MINDY3: variants seen among roughly 807,000 people sequenced by gnomAD.
The protein encoded by MINDY3 is MINDY lysine 48 deubiquitinase 3.
Under a neutral mutation model 69.2 loss-of-function variants are expected in MINDY3, and 38 were observed. The ratio of observed to expected loss-of-function variants is 0.55; its 90% CI spans 0.42 to 0.72. The LOEUF (loss-of-function observed/expected upper bound fraction) is 0.72. Ranked by LOEUF, MINDY3 falls within the 30% of genes least tolerant of loss-of-function variation. MINDY3 has a pLI of 0.00. For synonymous variants in MINDY3, 192 were observed against 180.1 expected (o/e 1.07, Z -0.53); for missense variants, 522 against 519.0 (o/e 1.01, Z -0.06).
chr10:15,793,503 A>T (rs952617871), intron 11 of MINDY3, among the ~76,000 whole-genome samples: 2 of 152,180 alleles, frequency 1.3e-5, no homozygotes, highest in African/African-American at 4.8e-5. Context: ...AAATTGCTCA[A>T]CTAGAAGCGA....
intron 2 of MINDY3, among the ~76,000 whole-genome samples, chr10:15,844,060 C>G (rs566475034): frequency 6.6e-6 from 1 of 152,052 alleles, no homozygotes. Context: ...TTTTATCAGG[C>G]AAACTTAGGT....
chr10:15,782,259 A>T (rs538534854), intron 13 of MINDY3, 33 bp from the exon 14 acceptor site: 2 of 1,393,998 alleles, frequency 1.4e-6, no homozygotes, highest in African/African-American at 3.0e-5. Flanking sequence ...AACACTTTAA[A>T]TTATATTTAT....
At chr10:15,838,819 T>A (rs1387774781) in intron 4 of MINDY3, among the ~76,000 whole-genome samples, 1 of 151,798 alleles carries the variant, frequency 6.6e-6, no homozygotes, top group African/African-American at 2.4e-5. Flanking sequence ...TTATTTAGAT[T>A]ATGTTTATTA....
rs1031424322 is a variant in MINDY3 at position 15,796,348 on chromosome 10, C to T, written c.883-176G>A. Among the ~76,000 whole-genome samples, 33 of 151,776 alleles carry T rather than the reference C, an allele frequency of 2.2e-4. 1 individual carries two copies. Among genetic ancestry groups the T allele is most frequent in the African/African-American group, 8.0e-4 (33 of 41,360 alleles). On this transcript the variant is annotated intron_variant, in intron 10 of 14. Coordinates refer to ENST00000277632, the MANE Select transcript of MINDY3 (RefSeq NM_024948.4). ...ACTCTCCAGGCCATTTATTTTACGTCTGAAAAGTGGCAATAAAAGCTTAAC... is the reference window on the plus strand; with the variant it reads ...ACTCTCCAGGCCATTTATTTTACGTTTGAAAAGTGGCAATAAAAGCTTAAC...
chr10:15,855,903 C>G (rs1171879133), intron 1 of MINDY3, among the ~76,000 whole-genome samples: 1 of 151,974 alleles, frequency 6.6e-6, no homozygotes, highest in Non-Finnish European at 1.5e-5. Context: ...GATATTATCA[C>G]AGATACTTTC....
chr10:15,839,553 T>G (rs998387379), intron 4 of MINDY3, among the ~76,000 whole-genome samples: 4 of 151,612 alleles, frequency 2.6e-5, no homozygotes, highest in African/African-American at 9.7e-5. Flanking sequence ...TTACTGGGTA[T>G]ACTACAAGAG....
intron 8 of MINDY3, among the ~76,000 whole-genome samples, chr10:15,822,822 C>A (rs899063393): frequency 1.3e-5 from 2 of 151,956 alleles, no homozygotes. Flanking sequence ...ACAGACACAA[C>A]GCAGGGAATA....
chr10:15,783,265 AT>A (rs1391294905), intron 13 of MINDY3, among the ~76,000 whole-genome samples: 1 of 152,024 alleles, frequency 6.6e-6, no homozygotes, highest in Non-Finnish European at 1.5e-5. Context: ...CCCTTCATGT[AT>A]TTTCCCCCTC....
At chr10:15,798,301 G>C (rs934156448) in intron 10 of MINDY3, among the ~76,000 whole-genome samples, 2 of 151,996 alleles carry the variant, frequency 1.3e-5, no homozygotes, top group South Asian at 4.2e-4. Flanking sequence ...AGTAAAGTTT[G>C]GGAAATTATC....
intron 11 of MINDY3, among the ~76,000 whole-genome samples, chr10:15,790,389 A>G (rs373365194): frequency 7.3e-4 from 111 of 152,206 alleles, no homozygotes; most frequent in African/African-American, 2.5e-3. Flanking sequence ...TTTTTAAGTG[A>G]AGGGTTTAGA....
intron 8 of MINDY3, among the ~76,000 whole-genome samples, chr10:15,826,590 A>C (rs933826784): frequency 1.1e-4 from 17 of 152,200 alleles, no homozygotes; most frequent in Non-Finnish European, 2.2e-4. Flanking sequence ...AGGAAAGTTC[A>C]ACTGGAATAG....
At chr10:15,859,955 C>G (rs1459291793) in intron 1 of MINDY3, among the ~76,000 whole-genome samples, 1 of 152,242 alleles carries the variant, frequency 6.6e-6, no homozygotes, top group Non-Finnish European at 1.5e-5. Context: ...TCCTCCTCCC[C>G]AGCCGAAGGG....
At chr10:15,837,634 C>T in intron 5 of MINDY3, 2 of 1,247,952 alleles carry the variant, frequency 1.6e-6, no homozygotes, top group South Asian at 1.6e-5. Context: ...GAGTGGCCTT[C>T]TTGTAAGAGG....
In MINDY3 at chr10:15,797,071, T is replaced by G. The variant is rs138903339; in HGVS notation, c.883-899A>C. ...GGGGTACAAATGTTAACATCTAAACTGCTGTTCCCCTGTGAACACAATTTT... is the reference window on the plus strand; with the variant it reads ...GGGGTACAAATGTTAACATCTAAACGGCTGTTCCCCTGTGAACACAATTTT... On this transcript the variant is annotated intron_variant, in intron 10 of 14. Coordinates refer to ENST00000277632, the MANE Select transcript of MINDY3 (RefSeq NM_024948.4). Among the ~76,000 whole-genome samples, 7 of 152,202 alleles carry G rather than the reference T, an allele frequency of 4.6e-5. No homozygotes were observed. The South Asian group carries it at 1.2e-3, about 27-fold the overall frequency.
chr10:15,800,705 A>C (rs1838196837), intron 10 of MINDY3, among the ~76,000 whole-genome samples: 1 of 152,130 alleles, frequency 6.6e-6, no homozygotes, highest in African/African-American at 2.4e-5. Context: ...TGCACCATGG[A>C]TTGAGGTCTG....
intron 2 of MINDY3, among the ~76,000 whole-genome samples, chr10:15,846,806 A>C (rs986643895): frequency 6.6e-6 from 1 of 150,748 alleles, no homozygotes; most frequent in Non-Finnish European, 1.5e-5. Context: ...TCACTGCAAC[A>C]TCCACCTCCC....
intron 11 of MINDY3, among the ~76,000 whole-genome samples, chr10:15,791,407 C>A (rs955046983): frequency 1.3e-5 from 2 of 151,744 alleles, no homozygotes; most frequent in Non-Finnish European, 2.9e-5. Flanking sequence ...AAGTCAACAG[C>A]AAAGGAAATC....
At chr10:15,841,888 A>G (rs977579521) in intron 3 of MINDY3, among the ~76,000 whole-genome samples, 53 of 151,730 alleles carry the variant, frequency 3.5e-4, no homozygotes, top group African/African-American at 1.2e-3. Context: ...ACTGATCATC[A>G]CTTTCTTAAA....
chr10:15,808,052 A>T (rs1424213021), intron 10 of MINDY3, among the ~76,000 whole-genome samples: 1 of 152,192 alleles, frequency 6.6e-6, no homozygotes, highest in Non-Finnish European at 1.5e-5. Flanking sequence ...AGAGTTTGTG[A>T]TTAAAAATTT....
Sources: allele counts gnomAD v4.1 joint callset (sites outside exome capture counted in the v4.1 genomes callset), GRCh38; gene constraint gnomAD v4.1.1; transcripts MANE v1.5; gene names NCBI Gene and HGNC (gene_info 2026-07-23, HGNC 2026-07-21).